RALYL: variants seen among roughly 807,000 people sequenced by gnomAD.
RALYL encodes the protein RALY RNA binding protein like, also known as RNA-binding Raly-like protein.
RALYL carries 29 observed loss-of-function variants against 35.1 expected under a neutral mutation model. That is an observed-to-expected ratio of 0.83 (90% confidence interval 0.61 to 1.13). The LOEUF is 1.13. Among genes scored for constraint, RALYL ranks in the 50% most tolerant of loss-of-function variants. The pLI is 0.00. For missense variants in RALYL, 359 were observed against 360.4 expected (o/e 1.00, Z 0.03); for synonymous variants, 120 against 127.6 (o/e 0.94, Z 0.40).
chr8:84,591,949 A>G (rs1243069658), intron 2 of RALYL, among the ~76,000 whole-genome samples: 2 of 152,154 alleles, frequency 1.3e-5, no homozygotes, highest in East Asian at 3.9e-4. Context: ...GCCTGATTCC[A>G]TCTTCACCAT....
At chr8:84,609,923 G>A (rs1817924763) in intron 2 of RALYL, among the ~76,000 whole-genome samples, 1 of 152,098 alleles carries the variant, frequency 6.6e-6, no homozygotes, top group African/African-American at 2.4e-5. Context: ...AGGCAAGAGA[G>A]AGCGTATGCA....
intron 6 of RALYL, among the ~76,000 whole-genome samples, chr8:84,871,138 T>G (rs1389572393): frequency 6.6e-6 from 1 of 152,200 alleles, no homozygotes; most frequent in Non-Finnish European, 1.5e-5. Context: ...ATTAACTTAT[T>G]AGACCCAAAT....
At chr8:84,285,194 A>G (rs565781126) in intron 1 of RALYL, among the ~76,000 whole-genome samples, 1 of 152,318 alleles carries the variant, frequency 6.6e-6, no homozygotes, top group South Asian at 2.1e-4. Context: ...CTTATAAGCT[A>G]GTAGCTCTAA....
chr8:84,857,917 T>A (rs1837379652), intron 5 of RALYL, among the ~76,000 whole-genome samples: 1 of 152,132 alleles, frequency 6.6e-6, no homozygotes, highest in Non-Finnish European at 1.5e-5. Flanking sequence ...AGTTCTTTTT[T>A]AAAAAAGACA....
chr8:84,224,654 A>G (rs2131352190), intron 1 of RALYL, among the ~76,000 whole-genome samples: 1 of 140,770 alleles, frequency 7.1e-6, no homozygotes. Flanking sequence ...TATTAACTTC[A>G]TTATTACTTT....
chr8:84,504,816 G>A (rs1047240296), intron 1 of RALYL, among the ~76,000 whole-genome samples: 2 of 152,112 alleles, frequency 1.3e-5, no homozygotes. Flanking sequence ...TTCAAATTTA[G>A]TTAGTTAAGG....
intron 2 of RALYL, among the ~76,000 whole-genome samples, chr8:84,725,408 A>G (rs2132708998): frequency 6.6e-6 from 1 of 151,880 alleles, no homozygotes; most frequent in South Asian, 2.1e-4. Context: ...CAGTTTACCA[A>G]GGAAAAAGGA....
chr8:84,342,353 A>T (rs139358423), intron 1 of RALYL, among the ~76,000 whole-genome samples: 2,799 of 140,568 alleles, frequency 0.02, 117 homozygotes, highest in African/African-American at 0.072. Context: ...CCAGGCCTAC[A>T]CACATTAATC....
intron 2 of RALYL, among the ~76,000 whole-genome samples, chr8:84,770,108 C>A (rs1220269036): frequency 2.0e-5 from 3 of 151,948 alleles, no homozygotes; most frequent in African/African-American, 7.3e-5. Flanking sequence ...TACATAAATT[C>A]TTTGGTGGTG....
At chr8:84,803,001 T>C (rs1823710528) in intron 3 of RALYL, among the ~76,000 whole-genome samples, 1 of 152,092 alleles carries the variant, frequency 6.6e-6, no homozygotes, top group Non-Finnish European at 1.5e-5. Flanking sequence ...ATAAAACCTT[T>C]CAAAAGATTC....
intron 1 of RALYL, among the ~76,000 whole-genome samples, chr8:84,398,517 T>A (rs1042223473): frequency 2.0e-5 from 3 of 152,182 alleles, no homozygotes; most frequent in African/African-American, 4.8e-5. Flanking sequence ...CCCTTTCTTC[T>A]TTCACAGTAG....
intron 1 of RALYL, among the ~76,000 whole-genome samples, chr8:84,379,596 C>T (rs553409221): frequency 5.0e-4 from 76 of 151,922 alleles, no homozygotes; most frequent in Admixed American, 2.0e-3. Flanking sequence ...ACTGCACTCT[C>T]ATTTCCACTA....
At chr8:84,418,233 T>A (rs1232535234) in intron 1 of RALYL, among the ~76,000 whole-genome samples, 1 of 152,172 alleles carries the variant, frequency 6.6e-6, no homozygotes, top group Non-Finnish European at 1.5e-5. Flanking sequence ...AGTTACTGAT[T>A]ACGGAACCTT....
intron 2 of RALYL, among the ~76,000 whole-genome samples, chr8:84,745,629 T>C (rs1808433909): frequency 6.6e-6 from 1 of 152,180 alleles, no homozygotes; most frequent in Non-Finnish European, 1.5e-5. Flanking sequence ...GCATATAAGA[T>C]TTTACTCTCA....
At chr8:84,278,251 G>A (rs1835812451) in intron 1 of RALYL, among the ~76,000 whole-genome samples, 1 of 152,232 alleles carries the variant, frequency 6.6e-6, no homozygotes, top group Non-Finnish European at 1.5e-5. Flanking sequence ...CTGAGCAATG[G>A]CCTGAGCTGT....
chr8:84,691,612 G>A (rs1838068254), intron 2 of RALYL, among the ~76,000 whole-genome samples: 1 of 151,884 alleles, frequency 6.6e-6, no homozygotes, highest in Non-Finnish European at 1.5e-5. Context: ...AACATGCTGG[G>A]CTTTCTTCCT....
rs544354704 is a variant in RALYL at position 84,791,719 on chromosome 8, G to A, written c.333-13051G>A. Among the ~76,000 whole-genome samples, 19 of 152,300 alleles carry A rather than the reference G, an allele frequency of 1.2e-4. No homozygotes were observed. In the South Asian group the frequency reaches 3.7e-3, roughly 30 times the overall value. On this transcript the variant is annotated intron_variant, in intron 3 of 8. Coordinates refer to ENST00000521268, the MANE Select transcript of RALYL (RefSeq NM_173848.7). ...CAAGTTTATTAACAAATTGGAAGTG[G>A]ACTGTGAAAGAAAGAATGGAGTTGA... is the stretch of plus-strand genomic sequence containing the variant.
intron 1 of RALYL, among the ~76,000 whole-genome samples, chr8:84,310,916 G>A (rs1197772696): frequency 3.5e-5 from 5 of 144,284 alleles, no homozygotes; most frequent in East Asian, 3.9e-4. Flanking sequence ...GCGCGGTGGC[G>A]GGCGCCTGTA....
At chr8:84,844,642 T>C (rs374799783) in intron 4 of RALYL, among the ~76,000 whole-genome samples, 1 of 152,170 alleles carries the variant, frequency 6.6e-6, no homozygotes, top group Non-Finnish European at 1.5e-5. Flanking sequence ...GGACTATAAA[T>C]CATGCTGCTA....
Sources: allele counts gnomAD v4.1 joint callset (sites outside exome capture counted in the v4.1 genomes callset), GRCh38; gene constraint gnomAD v4.1.1; transcripts MANE v1.5; gene names NCBI Gene and HGNC (gene_info 2026-07-23, HGNC 2026-07-21).